Variants in CC2D2A observed in about 807,000 individuals in gnomAD.
The protein encoded by CC2D2A is coiled-coil and C2 domain-containing protein 2A.
In CC2D2A, 155 loss-of-function variants were observed where a neutral mutation model predicts 212.9. The observed-to-expected ratio is 0.73, with a 90% CI of 0.64 to 0.83. The LOEUF (loss-of-function observed/expected upper bound fraction) is 0.83, where lower values mean the gene tolerates loss of function less well. CC2D2A is among the 40% of genes least tolerant of loss of function. CC2D2A has a pLI of 0.00. For missense variants in CC2D2A, 1,856 were observed against 1,956.2 expected (o/e 0.95, Z 0.97); for synonymous variants, 667 against 686.5 (o/e 0.97, Z 0.44).
At chr4:15,527,045 G>C (rs1717544777) in intron 11 of CC2D2A, among the ~76,000 whole-genome samples, 1 of 152,166 alleles carries the variant, frequency 6.6e-6, no homozygotes, top group African/African-American at 2.4e-5. Context: ...CATGGGGTAT[G>C]TCCAGGATCC....
chr4:15,591,468 C>A (rs1213724576), intron 33 of CC2D2A, among the ~76,000 whole-genome samples: 1 of 152,150 alleles, frequency 6.6e-6, no homozygotes, highest in Admixed American at 6.5e-5. Context: ...ATCTGCCCGC[C>A]TCAGCCTCCC....
intron 4 of CC2D2A, among the ~76,000 whole-genome samples, chr4:15,501,481 G>T (rs1715949672): frequency 6.6e-6 from 1 of 152,072 alleles, no homozygotes; most frequent in South Asian, 2.1e-4. Flanking sequence ...GGGGAATATA[G>T]CCGAGACTCC....
At chr4:15,473,626 A>G (rs935688525) in intron 1 of CC2D2A, among the ~76,000 whole-genome samples, 2 of 152,210 alleles carry the variant, frequency 1.3e-5, no homozygotes, top group East Asian at 1.9e-4. Flanking sequence ...ATTTTCATCA[A>G]TTTGCACTGG....
chr4:15,597,545 T>G (rs1721373015), intron 35 of CC2D2A, 80 bp downstream of exon 35: 17 of 1,104,428 alleles, frequency 1.5e-5, no homozygotes, highest in Middle Eastern at 2.0e-4. Flanking sequence ...TCAGCCTGGA[T>G]GAATGTGAAA....
chr4:15,486,133 T>C (rs1449177378), intron 4 of CC2D2A, among the ~76,000 whole-genome samples: 2 of 152,138 alleles, frequency 1.3e-5, no homozygotes, highest in Non-Finnish European at 2.9e-5. Context: ...TTTGTTGTTA[T>C]GTCTTTGTCT....
At chr4:15,480,951 T>C (rs1441113346) in intron 4 of CC2D2A, 124 bp downstream of exon 4, 3 of 1,187,484 alleles carry the variant, frequency 2.5e-6, no homozygotes, top group Non-Finnish European at 3.5e-6. Flanking sequence ...CTCCACCCAC[T>C]TTACCCCAAC....
At chr4:15,556,403 C>T (rs977183262) in intron 20 of CC2D2A, among the ~76,000 whole-genome samples, 1 of 152,090 alleles carries the variant, frequency 6.6e-6, no homozygotes, top group Non-Finnish European at 1.5e-5. Flanking sequence ...CCTTAGTGTG[C>T]CTAATAGAAA....
In CC2D2A at chr4:15,587,937, C is replaced by T; in HGVS notation, c.4179+8C>T. 1 of 1,513,014 alleles carries T rather than the reference C, an allele frequency of 6.6e-7. No individual in the cohort carries two copies. Among genetic ancestry groups the T allele is most frequent in the South Asian group, 1.1e-5 (1 of 88,204 alleles). The allele number at this position is 1,513,014 out of a possible 1,614,324, so 93.7% of individuals were successfully genotyped here. On this transcript the variant is annotated splice_region_variant and intron_variant, in intron 32 of 36. Coordinates refer to ENST00000424120, the MANE Select transcript of CC2D2A (RefSeq NM_001378615.1). Reference sequence around the variant, plus strand: ...GGCAATGCTATTCCTGAGGTAAGACCACATAGGCTGCCTTTAACAGAGGAG... The same window carrying T: ...GGCAATGCTATTCCTGAGGTAAGACTACATAGGCTGCCTTTAACAGAGGAG...
At chr4:15,530,033 GC>G (rs1197814789) in intron 13 of CC2D2A, among the ~76,000 whole-genome samples, 12 of 151,436 alleles carry the variant, frequency 7.9e-5, no homozygotes, top group African/African-American at 2.7e-4. Context: ...GTGCAGTGGT[GC>G]GATTTCGGCT....
At chr4:15,541,212 G>A (rs940768035) in intron 17 of CC2D2A, among the ~76,000 whole-genome samples, 198 bp downstream of exon 17, 9 of 151,826 alleles carry the variant, frequency 5.9e-5, no homozygotes, top group African/African-American at 1.4e-4. Context: ...CCAGCTACTC[G>A]GGAGGCTGAG....
chr4:15,479,006 C>G (rs1004695681), intron 3 of CC2D2A, among the ~76,000 whole-genome samples, 200 bp downstream of exon 3: 9 of 152,202 alleles, frequency 5.9e-5, no homozygotes, highest in Non-Finnish European at 1.3e-4. Context: ...TATAGATGAG[C>G]CTCACAATAA....
At chr4:15,496,867 G>A (rs1282962372) in intron 4 of CC2D2A, among the ~76,000 whole-genome samples, 1 of 152,080 alleles carries the variant, frequency 6.6e-6, no homozygotes, top group Non-Finnish European at 1.5e-5. Context: ...GAAGGTAAAA[G>A]ATCTCTACTA....
intron 10 of CC2D2A, among the ~76,000 whole-genome samples, chr4:15,516,350 G>A (rs1324790368): frequency 6.6e-6 from 1 of 151,688 alleles, no homozygotes; most frequent in Non-Finnish European, 1.5e-5. Context: ...TTTCTTAAAT[G>A]TTTAATTAAT....
chr4:15,511,358 A>G lies in CC2D2A; in HGVS notation c.652A>G (p.Thr218Ala). The stretch of plus-strand genomic sequence containing the variant: ...ACCAAAAGCAAGACATAGAGCGGGA[A>G]CTAATCAAGAGGAGGAGGAAGGGGA... ...EKPKARHRAG[T>A]NQEEEEGEEE... The change falls in exon 8 of 37, where the codon ACT becomes GCT. Residue 218 changes from threonine (T) to alanine (A), a missense_variant. Thr to Ala is a moderately conservative substitution (Grantham distance 58). Around this residue, in one of 5 missense-constraint regions of CC2D2A, gnomAD observed 1,512 missense variants for 1,579.3 expected, o/e 0.96. Transcript: ENST00000424120. The G allele has an allele frequency of 6.3e-7, 1 of 1,576,168 alleles. No individual in the cohort carries two copies. The highest frequency in any genetic ancestry group is 8.6e-7 in the Non-Finnish European group (1 of 1,166,372).
At chr4:15,494,563 C>A (rs990694552) in intron 4 of CC2D2A, among the ~76,000 whole-genome samples, 1 of 152,170 alleles carries the variant, frequency 6.6e-6, no homozygotes, top group African/African-American at 2.4e-5. Flanking sequence ...TAGTCTATTT[C>A]ATAAAAATTA....
intron 4 of CC2D2A, among the ~76,000 whole-genome samples, chr4:15,494,442 C>T (rs973474912): frequency 1.3e-5 from 2 of 152,218 alleles, no homozygotes; most frequent in African/African-American, 4.8e-5. Context: ...CTCCAGAGCA[C>T]CTCAGCAAAT....
intron 8 of CC2D2A, 31 bp from the exon 9 acceptor site, chr4:15,514,676 T>C (rs1716757931): frequency 6.9e-7 from 1 of 1,455,212 alleles, no homozygotes; most frequent in East Asian, 2.4e-5. Flanking sequence ...CTTAGCATGA[T>C]TTTTTCTTGT....
At chr4:15,511,525 A>T in intron 8 of CC2D2A, 102 bp downstream of exon 8, 2 of 1,026,864 alleles carry the variant, frequency 1.9e-6, no homozygotes, top group Non-Finnish European at 2.7e-6. Flanking sequence ...ACCTGCCACC[A>T]CCAGGAGAAT....
rs1715457896 is a variant in CC2D2A, at chr4:15,493,883, T to C, written c.248-8546T>C. 2.6e-5 allele frequency among the ~76,000 whole-genome samples: 4 copies of C among 152,306 alleles called. No individual in the cohort carries two copies. The South Asian group carries it at 8.3e-4, about 32-fold the overall frequency. On this transcript the variant is annotated intron_variant, in intron 4 of 36. Coordinates refer to ENST00000424120, the MANE Select transcript of CC2D2A (RefSeq NM_001378615.1). ...AAAACTGGAGTTTGTAGAATACTAGTATCCTCTTAGAAATGAACTGCCCCC... is the reference window on the plus strand; with the variant it reads ...AAAACTGGAGTTTGTAGAATACTAGCATCCTCTTAGAAATGAACTGCCCCC...
Sources: allele counts gnomAD v4.1 joint callset (sites outside exome capture counted in the v4.1 genomes callset), GRCh38; gene constraint gnomAD v4.1.1; regional missense constraint gnomAD v4.1.1; transcripts MANE v1.5; gene names NCBI Gene and HGNC (gene_info 2026-07-23, HGNC 2026-07-21).